Variants in LRRTM4 observed in about 807,000 individuals in gnomAD.
The protein encoded by LRRTM4 is leucine-rich repeat transmembrane neuronal protein 4.
A neutral mutation model predicts 47.6 loss-of-function variants in LRRTM4; 25 were observed. That is an observed-to-expected ratio of 0.53 (90% confidence interval 0.38 to 0.73). The LOEUF is 0.73. LRRTM4 is among the 30% of genes least tolerant of loss of function. The pLI, the probability that LRRTM4 is intolerant of heterozygous loss-of-function variation, is 0.00. For synonymous variants in LRRTM4, 311 were observed against 269.5 expected, an observed-to-expected ratio of 1.15 and a Z score of -1.51; for missense variants, 638 against 713.4, an observed-to-expected ratio of 0.89 and a Z score of 1.20.
intron 3 of LRRTM4, among the ~76,000 whole-genome samples, chr2:77,230,065 C>T (rs1296970845): frequency 1.3e-5 from 2 of 151,996 alleles, no homozygotes; most frequent in Non-Finnish European, 2.9e-5. Flanking sequence ...TTTTTCAGTG[C>T]CTAGCCACCT....
chr2:76,939,153 G>GAA (rs34196243), intron 3 of LRRTM4, among the ~76,000 whole-genome samples: 13 of 150,712 alleles, frequency 8.6e-5, no homozygotes, highest in African/African-American at 2.7e-4. Flanking sequence ...ACCTGTTACT[G>GAA]AAAAAAAAAT....
chr2:77,107,925 T>C (rs1671143394), intron 3 of LRRTM4, among the ~76,000 whole-genome samples: 1 of 152,008 alleles, frequency 6.6e-6, no homozygotes, highest in Non-Finnish European at 1.5e-5. Flanking sequence ...ATAAGTTGTT[T>C]AGAAAATAAC....
chr2:76,967,275 T>C (rs1278241547), intron 3 of LRRTM4, among the ~76,000 whole-genome samples: 3 of 151,416 alleles, frequency 2.0e-5, no homozygotes, highest in African/African-American at 7.3e-5. Context: ...AGTCAGAAAG[T>C]GCTAGAAATT....
intron 3 of LRRTM4, among the ~76,000 whole-genome samples, chr2:76,817,950 A>C (rs535542539): frequency 2.4e-3 from 364 of 152,086 alleles, no homozygotes; most frequent in South Asian, 4.4e-3. Flanking sequence ...TAAGATAATC[A>C]TGTTGGACAT....
chr2:77,494,516 A>G (rs1678286677), intron 3 of LRRTM4, among the ~76,000 whole-genome samples: 1 of 152,094 alleles, frequency 6.6e-6, no homozygotes, highest in Non-Finnish European at 1.5e-5. Flanking sequence ...GCAGTGGATT[A>G]AGAGAGTCTG....
chr2:76,831,471 C>G (rs553884334), intron 3 of LRRTM4, among the ~76,000 whole-genome samples: 28 of 152,202 alleles, frequency 1.8e-4, no homozygotes, highest in African/African-American at 6.0e-4. Flanking sequence ...AATGGTTTCT[C>G]CCTAATGTTT....
At chr2:77,288,838 A>G (rs1331900329) in intron 3 of LRRTM4, among the ~76,000 whole-genome samples, 2 of 152,074 alleles carry the variant, frequency 1.3e-5, no homozygotes, top group African/African-American at 4.8e-5. Context: ...ATGTTTCTCC[A>G]CAGCAGTATC....
chr2:77,228,654 C>A (rs1674879458), intron 3 of LRRTM4, among the ~76,000 whole-genome samples: 1 of 152,190 alleles, frequency 6.6e-6, no homozygotes, highest in Non-Finnish European at 1.5e-5. Context: ...GTGCTACTTC[C>A]AACCATTAAA....
intron 3 of LRRTM4, among the ~76,000 whole-genome samples, chr2:77,311,848 T>TA (rs1179149915): frequency 6.6e-6 from 1 of 152,092 alleles, no homozygotes; most frequent in Non-Finnish European, 1.5e-5. Context: ...AAAATAAAAT[T>TA]AGAGTGGTCA....
At chr2:77,515,123 GTATGA>G (rs1386222691) in intron 3 of LRRTM4, among the ~76,000 whole-genome samples, 3 of 151,514 alleles carry the variant, frequency 2.0e-5, no homozygotes, top group African/African-American at 7.3e-5. Context: ...TCCACTCAAA[GTATGA>G]TTAGGATGTA....
chr2:76,978,625 C>T lies in LRRTM4; in HGVS notation c.1552-229709G>A, dbSNP rs77344176. Among the ~76,000 whole-genome samples the T allele has an allele frequency of 9.1e-4, 138 of 152,134 alleles. 3 individuals are homozygous for T. The East Asian group carries it at 0.018, about 19-fold the overall frequency. ...TTCATTCTGTCATTTATTCAATCAA[C>T]ACATATTTACAGAGGTTCTACCTAC... On this transcript the variant is annotated intron_variant, in intron 3 of 3. Transcript: ENST00000409884.
intron 3 of LRRTM4, among the ~76,000 whole-genome samples, chr2:77,393,930 T>A (rs1362518118): frequency 6.6e-6 from 1 of 152,024 alleles, no homozygotes; most frequent in Non-Finnish European, 1.5e-5. Context: ...ACAAACAAAA[T>A]AATTTGTTAG....
intron 3 of LRRTM4, among the ~76,000 whole-genome samples, chr2:76,934,558 A>G (rs1674877399): frequency 6.6e-6 from 1 of 152,204 alleles, no homozygotes. Context: ...AAAATTTAAA[A>G]AGCCCTGATC....
At chr2:76,848,134 T>C (rs1056593511) in intron 3 of LRRTM4, among the ~76,000 whole-genome samples, 5 of 152,068 alleles carry the variant, frequency 3.3e-5, no homozygotes, top group Admixed American at 6.6e-5. Context: ...GGTTGCGGAG[T>C]GAAGGGGTAG....
intron 3 of LRRTM4, among the ~76,000 whole-genome samples, chr2:76,831,815 A>T (rs529829720): frequency 1.2e-4 from 18 of 152,108 alleles, no homozygotes; most frequent in African/African-American, 3.4e-4. Flanking sequence ...GCTTTTTTTA[A>T]AAAAAATTGT....
intron 3 of LRRTM4, among the ~76,000 whole-genome samples, chr2:76,863,574 G>A (rs761348432): frequency 1.2e-4 from 19 of 152,070 alleles, no homozygotes; most frequent in Non-Finnish European, 2.1e-4. Context: ...GACATCAAAT[G>A]TGACATGATT....
intron 3 of LRRTM4, among the ~76,000 whole-genome samples, chr2:76,895,943 C>G (rs1358217753): frequency 6.6e-6 from 1 of 151,958 alleles, no homozygotes; most frequent in African/African-American, 2.4e-5. Context: ...TCACTGGGAT[C>G]ACATCTGTCA....
intron 3 of LRRTM4, among the ~76,000 whole-genome samples, chr2:77,087,760 A>G (rs902308487): frequency 1.3e-5 from 2 of 152,252 alleles, no homozygotes; most frequent in Non-Finnish European, 2.9e-5. Flanking sequence ...AGCATTATCA[A>G]AATAGAATGA....
intron 3 of LRRTM4, among the ~76,000 whole-genome samples, chr2:77,434,194 G>A (rs942659203): frequency 1.3e-5 from 2 of 151,004 alleles, no homozygotes; most frequent in Admixed American, 6.6e-5. Flanking sequence ...TTAGGATGTT[G>A]AACAGACACA....
Sources: allele counts gnomAD v4.1 joint callset (sites outside exome capture counted in the v4.1 genomes callset), GRCh38; gene constraint gnomAD v4.1.1; transcripts MANE v1.5; gene names NCBI Gene and HGNC (gene_info 2026-07-23, HGNC 2026-07-21).